DPYSL2: variants seen among roughly 807,000 people sequenced by gnomAD.
DPYSL2 encodes dihydropyrimidinase like 2, also known as dihydropyrimidinase-related protein 2.
DPYSL2 carries 13 observed loss-of-function variants against 69.9 expected under a neutral mutation model. That is an observed-to-expected ratio of 0.19 (90% CI 0.12 to 0.30). DPYSL2 has a LOEUF of 0.30. DPYSL2 is among the 10% of genes least tolerant of loss of function. DPYSL2 has a pLI of 1.00. For synonymous variants in DPYSL2, 326 were observed against 359.1 expected (o/e 0.91, Z 1.04); for missense variants, 587 against 918.9 (o/e 0.64, Z 4.67).
In DPYSL2 at chr8:26,634,262, GT is replaced by G. The variant is rs564225090; in HGVS notation, c.1006-514del. ...GCACCTGGAGAAGGGTCAGAAGGGAGTTTTCTTTTCTTTTTCTTTTGAGACT... is the reference window on the plus strand; with the variant it reads ...GCACCTGGAGAAGGGTCAGAAGGGAGTTTCTTTTCTTTTTCTTTTGAGACT... On this transcript the variant is annotated intron_variant, in intron 7 of 13. Coordinates refer to ENST00000521913, the MANE Select transcript of DPYSL2 (RefSeq NM_001197293.3). Among the ~76,000 whole-genome samples, 356 of 152,114 alleles carry G rather than the reference GT, an allele frequency of 2.3e-3. 7 individuals are homozygous for G. The highest frequency in any genetic ancestry group is 0.02 in the Admixed American group (306 of 15,268).
intron 3 of DPYSL2, among the ~76,000 whole-genome samples, chr8:26,601,355 C>G (rs1801986995): frequency 6.6e-6 from 1 of 151,904 alleles, no homozygotes; most frequent in South Asian, 2.1e-4. Flanking sequence ...TGTTCCTGGG[C>G]CCTCTCTTTT....
At chr8:26,655,551 C>A (rs530802606) in intron 13 of DPYSL2, 64 bp from the exon 14 acceptor site, 2 of 1,392,786 alleles carry the variant, frequency 1.4e-6, no homozygotes, top group East Asian at 2.4e-5. Context: ...ATTTCACCTT[C>A]AAGCAGGATC....
chr8:26,599,157 A>T (rs578046598), intron 3 of DPYSL2, among the ~76,000 whole-genome samples: 1 of 152,268 alleles, frequency 6.6e-6, no homozygotes, highest in South Asian at 2.1e-4. Context: ...TAGAGGGGGA[A>T]AGTGTCCACT....
Position 26,584,056 on chromosome 8 carries a change from T to C in DPYSL2, c.628+73T>C. The C allele has an allele frequency of 2.0e-6, 3 of 1,475,456 alleles. No individual in the cohort carries two copies. The East Asian group carries it at 6.9e-5, about 34-fold the overall frequency. The allele number at this position is 1,475,456 out of a possible 1,614,324, so 91.4% of individuals were successfully genotyped here. ...TTTGCAAATAAGTCTATTGTTTGATTCTCTCCTTCTAAAACTTGCTGTCCT... is the reference window on the plus strand; with the variant it reads ...TTTGCAAATAAGTCTATTGTTTGATCCTCTCCTTCTAAAACTTGCTGTCCT... On this transcript the variant is annotated intron_variant, in intron 3 of 13. Coordinates refer to ENST00000521913, the MANE Select transcript of DPYSL2 (RefSeq NM_001197293.3).
chr8:26,547,440 A>G (rs1393049710), intron 1 of DPYSL2, among the ~76,000 whole-genome samples: 1 of 152,156 alleles, frequency 6.6e-6, no homozygotes, highest in East Asian at 1.9e-4. Context: ...AGTACATTGT[A>G]TCCACCCTTC....
chr8:26,568,809 T>C (rs1173484112), intron 1 of DPYSL2, among the ~76,000 whole-genome samples: 4 of 151,970 alleles, frequency 2.6e-5, no homozygotes, highest in African/African-American at 9.7e-5. Context: ...GAGGGCCCAG[T>C]TGAGGGAGAT....
At chr8:26,523,947 T>C (rs1808433865) in intron 1 of DPYSL2, among the ~76,000 whole-genome samples, 1 of 152,276 alleles carries the variant, frequency 6.6e-6, no homozygotes, top group South Asian at 2.1e-4. Context: ...GGGTTATCCA[T>C]CTTTTAGTTC....
chr8:26,529,681 G>A (rs1235036803), intron 1 of DPYSL2, among the ~76,000 whole-genome samples: 1 of 150,658 alleles, frequency 6.6e-6, no homozygotes, highest in Non-Finnish European at 1.5e-5. Flanking sequence ...AACCAATGGA[G>A]TCCAAAACTG....
In DPYSL2 at chr8:26,533,060, A is replaced by G. The variant is rs1200920522; in HGVS notation, c.354+18381A>G. ...ACACTTGTTATTGTCTGTCTTTTTG[A>G]TTCCAGCCATCCTACTGGGTATGAG... On this transcript the variant is annotated intron_variant, in intron 1 of 13. Coordinates refer to ENST00000521913, the MANE Select transcript of DPYSL2 (RefSeq NM_001197293.3). This position sits in a 1 kb window ranked among gnomAD's most constrained non-coding sequence, Gnocchi z 4.8. 6.6e-6 allele frequency among the ~76,000 whole-genome samples: 1 copy of G among 152,064 alleles called. No homozygotes were observed. Among genetic ancestry groups the G allele is most frequent in the East Asian group, 1.9e-4 (1 of 5,184 alleles).
At chr8:26,569,375 A>AC (rs1801202478) in intron 1 of DPYSL2, among the ~76,000 whole-genome samples, 1 of 18,550 alleles carries the variant, frequency 5.4e-5, no homozygotes, top group African/African-American at 1.1e-4. Flanking sequence ...CAAAAACAAA[A>AC]ACAAAAAAAA....
chr8:26,592,910 C>A (rs1585531603), intron 3 of DPYSL2, among the ~76,000 whole-genome samples: 1 of 152,278 alleles, frequency 6.6e-6, no homozygotes, highest in East Asian at 1.9e-4. Context: ...CTCTTCCTCC[C>A]CAAGCTGACC....
At chr8:26,554,919 A>G (rs1800921722) in intron 1 of DPYSL2, among the ~76,000 whole-genome samples, 1 of 152,200 alleles carries the variant, frequency 6.6e-6, no homozygotes, top group African/African-American at 2.4e-5. Context: ...GAGTTTCTAC[A>G]TTAGAACCAG....
chr8:26,633,432 A>G (rs747929330), intron 7 of DPYSL2, among the ~76,000 whole-genome samples: 5 of 152,160 alleles, frequency 3.3e-5, no homozygotes, highest in Non-Finnish European at 7.3e-5. Flanking sequence ...CACAGTCATC[A>G]TGTGGGATTT....
chr8:26,577,673 C>T (rs1801383934), intron 1 of DPYSL2, among the ~76,000 whole-genome samples: 1 of 151,052 alleles, frequency 6.6e-6, no homozygotes, highest in African/African-American at 2.4e-5. Flanking sequence ...CTGGGGCCGC[C>T]GCCAAACCCG....
intron 1 of DPYSL2, among the ~76,000 whole-genome samples, chr8:26,572,580 AC>A (rs1248771702): frequency 2.6e-4 from 40 of 152,112 alleles, no homozygotes; most frequent in Non-Finnish European, 5.0e-4. Flanking sequence ...GCTCACTGCA[AC>A]CTCCGTTTCC....
Position 26,593,451 on chromosome 8 carries a change from G to A in DPYSL2, c.628+9468G>A, listed in dbSNP as rs771055072. Among the ~76,000 whole-genome samples, 4 of 152,154 alleles carry A rather than the reference G, an allele frequency of 2.6e-5. No individual in the cohort carries two copies. Among genetic ancestry groups the A allele is most frequent in the Non-Finnish European group, 4.4e-5 (3 of 68,020 alleles). On this transcript the variant is annotated intron_variant, in intron 3 of 13. Coordinates refer to ENST00000521913, the MANE Select transcript of DPYSL2 (RefSeq NM_001197293.3). The surrounding 1 kb of genome is among the most constrained non-coding windows in gnomAD (Gnocchi z 5.7). The stretch of plus-strand genomic sequence containing the variant: ...GAATGAATGTCTGCCAAGATTTTCC[G>A]AAACCCAGAGCTGCCCTCTGCTCCC...
intron 8 of DPYSL2, among the ~76,000 whole-genome samples, chr8:26,636,664 T>C (rs1802923389): frequency 6.6e-6 from 1 of 151,664 alleles, no homozygotes; most frequent in Non-Finnish European, 1.5e-5. Context: ...GGAGCTGGAG[T>C]GTGTTGTTGC....
chr8:26,625,770 C>T (rs1167211693), intron 4 of DPYSL2, among the ~76,000 whole-genome samples: 1 of 152,182 alleles, frequency 6.6e-6, no homozygotes, highest in Non-Finnish European at 1.5e-5. Context: ...TTTCTTGTTA[C>T]AGTCGCAACA....
chr8:26,653,824 G>A lies in DPYSL2; in HGVS notation c.1942+427G>A, dbSNP rs138028802. On this transcript the variant is annotated intron_variant, in intron 13 of 13. Transcript: ENST00000521913. The surrounding 1 kb of genome is among the most constrained non-coding windows in gnomAD (Gnocchi z 5.7). ...GCCCGCCTCGGCCTCCCAAAGTGCT[G>A]GGATTACAGGTGTGAGCCACCGGGC... 0.079 allele frequency among the ~76,000 whole-genome samples: 12,018 copies of A among 152,238 alleles called. 1,505 individuals carry two copies. The highest frequency in any genetic ancestry group is 0.26 in the African/African-American group (10,837 of 41,506).
Sources: allele counts gnomAD v4.1 joint callset (sites outside exome capture counted in the v4.1 genomes callset), GRCh38; gene constraint gnomAD v4.1.1; non-coding constraint Gnocchi (gnomAD v3.1); transcripts MANE v1.5; gene names NCBI Gene and HGNC (gene_info 2026-07-23, HGNC 2026-07-21).